Variants in TYW1 observed in about 807,000 individuals in gnomAD.
TYW1 encodes S-adenosyl-L-methionine-dependent tRNA 4-demethylwyosine synthase TYW1.
In TYW1, 46 loss-of-function variants were observed where a neutral mutation model predicts 96.2. That is an observed-to-expected ratio of 0.48 (90% CI 0.38 to 0.61). The LOEUF (loss-of-function observed/expected upper bound fraction) is 0.61. TYW1 is among the 20% of genes least tolerant of loss of function. The probability of loss-of-function intolerance (pLI) is 0.00; values close to 1 mark genes in which losing one functional copy is unlikely to be tolerated. For synonymous variants in TYW1, 274 were observed against 323.0 expected (o/e 0.85, Z 1.63); for missense variants, 684 against 909.6 (o/e 0.75, Z 3.19).
chr7:67,239,409 T>C lies in TYW1; in HGVS notation c.*880T>C. ...TCTGTTCTATAAGGTTCAGGTGTTTTCAAGTTGGAAAGATCATAAATACTC... is the reference window on the plus strand; with the variant it reads ...TCTGTTCTATAAGGTTCAGGTGTTTCCAAGTTGGAAAGATCATAAATACTC... On this transcript the variant is annotated 3_prime_UTR_variant, in exon 16 of 16. Transcript: ENST00000359626. 1.0e-6 allele frequency: 1 copy of C among 984,096 alleles called. No homozygotes were observed. Among genetic ancestry groups the C allele is most frequent in the Non-Finnish European group, 1.2e-6 (1 of 828,700 alleles). 61.0% of individuals were successfully genotyped at this position (984,096 alleles called of 1,614,324 possible).
At chr7:67,184,648 TTTATGTTATGTTATG>T (rs199573674) in intron 14 of TYW1, among the ~76,000 whole-genome samples, 2,086 of 43,770 alleles carry the variant, frequency 0.048, 243 homozygotes, top group Non-Finnish European at 0.059. Flanking sequence ...TTTTATTTTA[TTTATGTTATGTTATG>T]TTATGTTATG....
rs1282390447 is a variant in TYW1 at position 67,016,408 on chromosome 7, G to A, written c.571-1445G>A. Among the ~76,000 whole-genome samples, 162 of 151,810 alleles carry A rather than the reference G, an allele frequency of 1.1e-3. 1 individual carries two copies. Among genetic ancestry groups the A allele is most frequent in the Non-Finnish European group, 5.1e-4 (35 of 67,962 alleles). On this transcript the variant is annotated intron_variant, in intron 5 of 15. Transcript: ENST00000359626. ...ACTAAAAATACAAAATTAGCCGGGC[G>A]TGGTGGTGCATGCCTGTAGTCCCAA...
At chr7:67,138,085 G>A (rs1195119855) in intron 13 of TYW1, among the ~76,000 whole-genome samples, 1 of 152,122 alleles carries the variant, frequency 6.6e-6, no homozygotes, top group Non-Finnish European at 1.5e-5. Context: ...GTGGCTAAGG[G>A]CTTGCTTTGC....
At chr7:66,998,717 GAAA>G in intron 2 of TYW1, 97 bp from the exon 3 acceptor site, 1 of 1,371,452 alleles carries the variant, frequency 7.3e-7, no homozygotes, top group Admixed American at 2.1e-5. Context: ...CAGATTAAGA[GAAA>G]AATAAAATGT....
At chr7:67,053,081 CTTTTT>C (rs35579526) in intron 8 of TYW1, among the ~76,000 whole-genome samples, 4 of 129,782 alleles carry the variant, frequency 3.1e-5, no homozygotes, top group Admixed American at 8.1e-5. Flanking sequence ...CAGTTTTAAG[CTTTTT>C]TTTTTTTTTT....
At chr7:67,066,811 G>A (rs1795881282) in intron 9 of TYW1, among the ~76,000 whole-genome samples, 1 of 152,204 alleles carries the variant, frequency 6.6e-6, no homozygotes, top group African/African-American at 2.4e-5. Flanking sequence ...TTGTACCACT[G>A]CACTCCAGCC....
intron 13 of TYW1, among the ~76,000 whole-genome samples, chr7:67,146,910 C>T (rs1280935308): frequency 2.6e-5 from 3 of 115,972 alleles, no homozygotes; most frequent in African/African-American, 1.1e-4. Context: ...ATAATGGTTG[C>T]TAGAGCCATC....
At chr7:67,050,630 G>A (rs1195304154) in intron 8 of TYW1, among the ~76,000 whole-genome samples, 2 of 152,030 alleles carry the variant, frequency 1.3e-5, no homozygotes, top group Non-Finnish European at 2.9e-5. Context: ...GGAACCGTCG[G>A]TCTGGTGCAC....
intron 13 of TYW1, among the ~76,000 whole-genome samples, chr7:67,121,167 G>T (rs1797748201): frequency 6.6e-6 from 1 of 152,120 alleles, no homozygotes; most frequent in Admixed American, 6.6e-5. Flanking sequence ...TATTAAGAAA[G>T]ATTTGTTTTA....
intron 5 of TYW1, among the ~76,000 whole-genome samples, chr7:67,014,783 C>T (rs1446696864): frequency 6.6e-6 from 1 of 152,194 alleles, no homozygotes; most frequent in Non-Finnish European, 1.5e-5. Context: ...GGCTGGAGTG[C>T]AGTGGCACCA....
intron 7 of TYW1, among the ~76,000 whole-genome samples, chr7:67,031,225 G>A (rs563791272): frequency 6.9e-4 from 101 of 145,380 alleles, no homozygotes; most frequent in Non-Finnish European, 8.3e-4. Context: ...GTCTGTGTGC[G>A]GCTCAAACAG....
intron 10 of TYW1, among the ~76,000 whole-genome samples, chr7:67,083,082 G>A (rs1187248216): frequency 6.6e-6 from 1 of 152,148 alleles, no homozygotes; most frequent in Admixed American, 6.5e-5. Context: ...ACTTTATGAA[G>A]TGTCGACGTA....
chr7:67,059,852 A>C (rs7797194), intron 9 of TYW1, among the ~76,000 whole-genome samples: 26,346 of 150,590 alleles, frequency 0.17, 2,661 homozygotes, highest in African/African-American at 0.28. Context: ...GGCTCCCTGC[A>C]ACCTCTGCCC....
At chr7:67,019,195 T>C in intron 6 of TYW1, among the ~76,000 whole-genome samples, 1 of 28,504 alleles carries the variant, frequency 3.5e-5, no homozygotes, top group South Asian at 9.5e-4. Context: ...AAGTTTAGAC[T>C]CAGAAGTGCT....
At chr7:67,183,578 T>G (rs1799909229) in intron 14 of TYW1, among the ~76,000 whole-genome samples, 1 of 152,212 alleles carries the variant, frequency 6.6e-6, no homozygotes, top group Admixed American at 6.5e-5. Context: ...TACATAAACC[T>G]TTATTTCAGA....
intron 15 of TYW1, among the ~76,000 whole-genome samples, chr7:67,217,846 CTTTTTTT>C (rs57748332): frequency 7.2e-5 from 5 of 69,234 alleles, no homozygotes; most frequent in African/African-American, 1.2e-4. Flanking sequence ...GTGTTGATGT[CTTTTTTT>C]TTTTTTTTTT....
intron 9 of TYW1, among the ~76,000 whole-genome samples, 162 bp downstream of exon 9, chr7:67,056,049 G>T (rs535282231): frequency 6.6e-6 from 1 of 152,120 alleles, no homozygotes; most frequent in Non-Finnish European, 1.5e-5. Flanking sequence ...TTTTGATGTA[G>T]AACCTATATT....
intron 10 of TYW1, among the ~76,000 whole-genome samples, chr7:67,082,692 C>T (rs534440563): frequency 6.6e-6 from 1 of 152,026 alleles, no homozygotes; most frequent in South Asian, 2.1e-4. Context: ...GGTCCTTGGG[C>T]CCTGGCGTTG....
At chr7:67,010,627 C>T (rs1310975766) in intron 4 of TYW1, among the ~76,000 whole-genome samples, 5 of 152,036 alleles carry the variant, frequency 3.3e-5, no homozygotes, top group South Asian at 2.1e-4. Context: ...AGGCGCCCGC[C>T]GCCACACCCG....
Sources: gnomAD v4.1 joint callset for allele counts (sites outside exome capture counted in the v4.1 genomes callset) on GRCh38, gnomAD v4.1.1 for gene constraint, MANE v1.5 for transcripts, NCBI Gene and HGNC (gene_info 2026-07-23, HGNC 2026-07-21) for gene names.